The following NOL6 variants were observed in gnomAD, a reference collection of about 807,000 sequenced individuals.
NOL6 encodes nucleolar protein 6.
NOL6 carries 33 observed loss-of-function variants against 131.7 expected under a neutral mutation model. That is an observed-to-expected ratio of 0.25 (90% CI 0.19 to 0.33). The LOEUF (loss-of-function observed/expected upper bound fraction) is 0.33, where lower values mean the gene tolerates loss of function less well. NOL6 is among the 10% of genes least tolerant of loss of function. NOL6 has a pLI of 1.00. For synonymous variants in NOL6, 580 were observed against 605.7 expected, an observed-to-expected ratio of 0.96 and a Z score of 0.62; for missense variants, 1,297 against 1,494.5, an observed-to-expected ratio of 0.87 and a Z score of 2.18.
At chr9:33,465,153 T>C (rs377671869) in intron 20 of NOL6, 54 bp downstream of exon 20, 3 of 1,554,944 alleles carry the variant, frequency 1.9e-6, no homozygotes, top group Admixed American at 1.9e-5. Context: ...GCACGAAGGA[T>C]GATGGCTGGC....
In NOL6 at chr9:33,472,278, C is replaced by A. The variant is rs774287997; in HGVS notation, c.189G>T (p.Glu63Asp). ...VKLSRAELYK[E>D]PTNEELNRLR... is the part of the protein sequence containing the mutation. Reference sequence around the variant, plus strand: ...GGCGATTAAGCTCCTCATTGGTAGGCTCCTTGTACAGTTCTGCCCTGCTGA... The same window carrying A: ...GGCGATTAAGCTCCTCATTGGTAGGATCCTTGTACAGTTCTGCCCTGCTGA... The change falls in exon 2 of 26, where the codon GAG becomes GAT. Residue 63 changes from glutamate (E) to aspartate (D), a missense_variant. Physicochemically the swap from Glu to Asp is conservative, Grantham distance 45 (BLOSUM62 2). Transcript: ENST00000297990. 7 of 1,614,130 alleles carry A rather than the reference C, an allele frequency of 4.3e-6. No homozygotes were observed. Among genetic ancestry groups the A allele is most frequent in the Non-Finnish European group, 5.1e-6 (6 of 1,180,054 alleles).
intron 18 of NOL6, 53 bp from the exon 19 acceptor site, chr9:33,465,950 A>T: frequency 6.3e-7 from 1 of 1,593,526 alleles, no homozygotes. Context: ...GAACCCCGGG[A>T]GTACTCTGTG....
Position 33,465,842 on chromosome 9 carries a change from T to G in NOL6, c.2420A>C (p.Lys807Thr). Reference protein sequence around the residue: ...VAYQREPQILKEVQSPEGMIS... With the variant: ...VAYQREPQILTEVQSPEGMIS... ...CATCCCCTCTGGGCTCTGCACCTCC[T>G]TCAGGATCTGGGGCTCCCGCTGATA... is the stretch of plus-strand genomic sequence containing the variant. The change falls in exon 19 of 26, where the codon AAG becomes ACG. Residue 807 changes from lysine (K) to threonine (T), a missense_variant. Lys to Thr is a moderately conservative substitution (Grantham distance 78). Transcript: ENST00000297990. The G allele has an allele frequency of 6.2e-7, 1 of 1,614,138 alleles. No individual in the cohort carries two copies. Among genetic ancestry groups the G allele is most frequent in the Non-Finnish European group, 8.5e-7 (1 of 1,180,004 alleles).
chr9:33,468,971 C>T lies in NOL6; in HGVS notation c.1013G>A (p.Arg338Gln), dbSNP rs756976795. 1.7e-5 allele frequency: 27 copies of T among 1,614,008 alleles called. No individual in the cohort carries two copies. The highest frequency in any genetic ancestry group is 1.6e-4 in the Middle Eastern group (1 of 6,084). ...CCCCCAACTCACCTTGTCCAGCTCC[C>T]GCTGCCGCAGCCAGACCTTCAGAAG... The part of the protein sequence containing the change: ...VALLKVWLRQ[R>Q]ELDKGQGGFT... The change falls in exon 7 of 26, where the codon CGG becomes CAG. Residue 338 changes from arginine to glutamine, a missense_variant. Physicochemically the swap from Arg to Gln is conservative, Grantham distance 43 (BLOSUM62 1). Transcript: ENST00000297990.
intron 3 of NOL6, among the ~76,000 whole-genome samples, chr9:33,470,981 G>A (rs1246330475): frequency 1.3e-5 from 2 of 151,554 alleles, no homozygotes; most frequent in Non-Finnish European, 2.9e-5. Context: ...CTGGAAAAGT[G>A]AACGTTTTAG....
In NOL6 at chr9:33,470,052, C is replaced by G. The variant is rs116020901; in HGVS notation, c.518G>C (p.Arg173Pro). The G allele has an allele frequency of 2.5e-6, 4 of 1,610,802 alleles. No individual in the cohort carries two copies. The highest frequency in any genetic ancestry group is 1.3e-5 in the African/African-American group (1 of 74,832). ...VGSYLLGTCI[R>P]PDINVDVALT... ...TGCCACATCCACATTGATGTCTGGT[C>G]GGATGCAGGTGCCCAGAAGGTAGCT... Residue 173 changes from arginine (R) to proline (P), a missense_variant, in exon 4 of 26, where the codon CGA becomes CCA. Transcript: ENST00000297990.
chr9:33,467,833 T>C lies in NOL6; in HGVS notation c.1460A>G (p.His487Arg). The C allele has an allele frequency of 6.3e-6, 10 of 1,599,862 alleles. No homozygotes were observed. The highest frequency in any genetic ancestry group is 8.5e-6 in the Non-Finnish European group (10 of 1,172,904). Residue 487 changes from histidine to arginine, a missense_variant, in exon 12 of 26, where the codon CAC becomes CGC. Transcript: ENST00000297990. The surrounding 1 kb of genome is among the most constrained non-coding windows in gnomAD (Gnocchi z 4.4). ...CAGCTCTGGCCAGAGCTTCAGCCGGTGGCACGCTGCCTGCAGGCGACTCAG... is the reference window on the plus strand; with the variant it reads ...CAGCTCTGGCCAGAGCTTCAGCCGGCGGCACGCTGCCTGCAGGCGACTCAG... ...RPLSRLQAAC[H>R]RLKLWPELQD...
Position 33,467,347 on chromosome 9 carries a change from G to A in NOL6, c.1725+47C>T. The A allele has an allele frequency of 6.2e-7, 1 of 1,610,576 alleles. No homozygotes were observed. The highest frequency in any genetic ancestry group is 1.7e-5 in the Admixed American group (1 of 59,934). On this transcript the variant is annotated intron_variant, in intron 13 of 25. Transcript: ENST00000297990. This position sits in a 1 kb window ranked among gnomAD's most constrained non-coding sequence, Gnocchi z 4.4. ...ACAAGCTTCAGTCCAGGTGCCATGAGGACGAGCCACCCCATTCCTTCCAGT... is the reference window on the plus strand; with the variant it reads ...ACAAGCTTCAGTCCAGGTGCCATGAAGACGAGCCACCCCATTCCTTCCAGT...
At position 33,473,907 on chromosome 9, in the gene NOL6, A is replaced by G; in HGVS notation, c.-65T>C. On this transcript the variant is annotated 5_prime_UTR_variant, in exon 1 of 26. Coordinates refer to ENST00000297990, the MANE Select transcript of NOL6 (RefSeq NM_022917.5). Reference sequence around the variant, plus strand: ...CCGGGTCTATACCTCATAGCTTCCCACGTGGGCGGAAATGCCTAACTCCAG... The same window carrying G: ...CCGGGTCTATACCTCATAGCTTCCCGCGTGGGCGGAAATGCCTAACTCCAG... 1.3e-6 allele frequency: 2 copies of G among 1,580,534 alleles called. No homozygotes were observed. The highest frequency in any genetic ancestry group is 1.7e-6 in the Non-Finnish European group (2 of 1,162,154).
At position 33,467,024 on chromosome 9, in the gene NOL6, GGCTATGTTCTC is replaced by G; in HGVS notation, c.1875-48_1875-38del. On this transcript the variant is annotated intron_variant, in intron 14 of 25. Transcript: ENST00000297990. The surrounding 1 kb of genome is among the most constrained non-coding windows in gnomAD (Gnocchi z 4.4). Reference sequence around the variant, plus strand: ...GCAGAGACACAGTGAGAAAATTTGGGGCTATGTTCTCGCTCAACTGCCTGGGCCAGACCCCT... The same window carrying G: ...GCAGAGACACAGTGAGAAAATTTGGGGCTCAACTGCCTGGGCCAGACCCCT... 1 of 1,613,878 alleles carries G rather than the reference GGCTATGTTCTC, an allele frequency of 6.2e-7. No homozygotes were observed. The highest frequency in any genetic ancestry group is 8.5e-7 in the Non-Finnish European group (1 of 1,179,850).
At chr9:33,470,481 A>G (rs1328411374) in intron 3 of NOL6, 15 of 186,668 alleles carry the variant, frequency 8.0e-5, no homozygotes, top group Admixed American at 6.8e-4. Context: ...TCACGAGGTC[A>G]GAAGATCGAG....
chr9:33,468,485 G>A, intron 9 of NOL6, 23 bp downstream of exon 9: 2 of 1,614,036 alleles, frequency 1.2e-6, no homozygotes, highest in Middle Eastern at 3.3e-4. Flanking sequence ...TCCTGGCATA[G>A]ACCTGGCCCT....
At position 33,462,772 on chromosome 9, in the gene NOL6, C is replaced by T. The variant is rs758020010; in HGVS notation, c.3333G>A (p.Gly1111=). The T allele has an allele frequency of 6.2e-7, 1 of 1,614,182 alleles. No individual in the cohort carries two copies. The highest frequency in any genetic ancestry group is 8.5e-7 in the Non-Finnish European group (1 of 1,180,040). Residue 1111 remains glycine, a synonymous_variant, in exon 26 of 26, where the codon GGG becomes GGA. Transcript: ENST00000297990. Reference sequence around the variant, plus strand: ...CAACATTGGGCACCATTACTAGCTCCCCACCTCGAGACATCACCATGCGCC... The same window carrying T: ...CAACATTGGGCACCATTACTAGCTCTCCACCTCGAGACATCACCATGCGCC... The part of the protein sequence containing the change: ...TKGRMVMSRG[G]ELVMVPNVEA...
chr9:33,465,324 G>C lies in NOL6; in HGVS notation c.2564C>G (p.Ala855Gly), dbSNP rs781368425. The C allele has an allele frequency of 4.2e-5, 67 of 1,593,174 alleles. No homozygotes were observed. The South Asian group carries it at 7.3e-4, about 17-fold the overall frequency. ...ACGCACCCACCGCTTGGCCAGCCGTGCCACACCAGAGAAGGCTGGGTGCTG... is the reference window on the plus strand; with the variant it reads ...ACGCACCCACCGCTTGGCCAGCCGTCCCACACCAGAGAAGGCTGGGTGCTG... Reference protein sequence around the residue: ...QQQHPAFSGVARLAKRWVRAQ... With the variant: ...QQQHPAFSGVGRLAKRWVRAQ... The change falls in exon 20 of 26, where the codon GCA becomes GGA. Residue 855 changes from alanine (A) to glycine (G), a missense_variant. Physicochemically the swap from Ala to Gly is moderately conservative, Grantham distance 60 (BLOSUM62 0). Transcript: ENST00000297990.
chr9:33,473,810 G>A lies in NOL6; in HGVS notation c.33C>T (p.Arg11=), dbSNP rs115616769. The change falls in exon 1 of 26, where the codon CGC becomes CGT. Residue 11 remains arginine, a synonymous_variant. Coordinates refer to ENST00000297990, the MANE Select transcript of NOL6 (RefSeq NM_022917.5). MGPAPAGEQL[R]GATGEPEVME... is the part of the protein sequence containing the mutation. Reference sequence around the variant, plus strand: ...CCACCTCTGGCTCTCCAGTCGCTCCGCGAAGCTGCTCTCCAGCTGGCGCCG... The same window carrying A: ...CCACCTCTGGCTCTCCAGTCGCTCCACGAAGCTGCTCTCCAGCTGGCGCCG... The A allele has an allele frequency of 4.8e-5, 77 of 1,611,780 alleles. No individual in the cohort carries two copies. In the African/African-American group the frequency reaches 8.0e-4, roughly 17 times the overall value.
rs192127616 is a variant in NOL6, at chr9:33,465,678, A to G, written c.2528+56T>C. Reference sequence around the variant, plus strand: ...TGGAGAGACAGGTGGCTAGGTGAGGAGAATGGGGGCAGGAGGGGGCCTACA... The same window carrying G: ...TGGAGAGACAGGTGGCTAGGTGAGGGGAATGGGGGCAGGAGGGGGCCTACA... On this transcript the variant is annotated intron_variant, in intron 19 of 25. Transcript: ENST00000297990. 4.5e-5 allele frequency: 70 copies of G among 1,559,282 alleles called. No homozygotes were observed. In the African/African-American group the frequency reaches 8.8e-4, roughly 20 times the overall value.
At chr9:33,463,597 G>T (rs1349463188) in intron 23 of NOL6, among the ~76,000 whole-genome samples, 156 bp from the exon 24 acceptor site, 24 of 152,098 alleles carry the variant, frequency 1.6e-4, no homozygotes, top group Admixed American at 1.6e-3. Flanking sequence ...AAGACCCACA[G>T]AGCAAACAGC....
intron 23 of NOL6, 84 bp downstream of exon 23, chr9:33,463,747 G>C (rs781388621): frequency 8.0e-5 from 113 of 1,410,264 alleles, no homozygotes; most frequent in Non-Finnish European, 1.1e-4. Context: ...AAGGGGACCG[G>C]GTCTCCTGTG....
Position 33,465,826 on chromosome 9 carries a change from T to A in NOL6, c.2436A>T (p.Pro812=), listed in dbSNP as rs776146705. 6.2e-7 allele frequency: 1 copy of A among 1,614,134 alleles called. No individual in the cohort carries two copies. The highest frequency in any genetic ancestry group is 8.5e-7 in the Non-Finnish European group (1 of 1,180,016). ...TGTCCCTCAGCGAGATCATCCCCTC[T>A]GGGCTCTGCACCTCCTTCAGGATCT... is the stretch of plus-strand genomic sequence containing the variant. ...EPQILKEVQS[P]EGMISLRDTA... The change falls in exon 19 of 26, where the codon CCA becomes CCT. Residue 812 remains proline, a synonymous_variant. Coordinates refer to ENST00000297990, the MANE Select transcript of NOL6 (RefSeq NM_022917.5).
Sources: allele counts gnomAD v4.1 joint callset (sites outside exome capture counted in the v4.1 genomes callset), GRCh38; gene constraint gnomAD v4.1.1; non-coding constraint Gnocchi (gnomAD v3.1); transcripts MANE v1.5; gene names NCBI Gene and HGNC (gene_info 2026-07-23, HGNC 2026-07-21).